SLC28A3: variants seen among roughly 807,000 people sequenced by gnomAD.
SLC28A3 encodes the protein solute carrier family 28 member 3.
SLC28A3 carries 68 observed loss-of-function variants against 84.2 expected under a neutral mutation model. The observed-to-expected ratio is 0.81, with a 90% confidence interval of 0.66 to 0.99. The LOEUF (loss-of-function observed/expected upper bound fraction) is 0.99. Among genes scored for constraint, SLC28A3 ranks in the 50% least tolerant of loss-of-function variants. The pLI, the probability that SLC28A3 is intolerant of heterozygous loss-of-function variation, is 0.00. For synonymous variants in SLC28A3, 267 were observed against 303.6 expected, an observed-to-expected ratio of 0.88 and a Z score of 1.25; for missense variants, 712 against 841.5, an observed-to-expected ratio of 0.85 and a Z score of 1.90.
At chr9:84,338,065 G>T (rs751503857) in intron 1 of SLC28A3, among the ~76,000 whole-genome samples, 4 of 152,178 alleles carry the variant, frequency 2.6e-5, no homozygotes, top group Non-Finnish European at 5.9e-5. Flanking sequence ...CCTGCACCAG[G>T]TCTTACAGGC....
chr9:84,282,628 A>T (rs980328426), intron 14 of SLC28A3, among the ~76,000 whole-genome samples: 2 of 152,192 alleles, frequency 1.3e-5, no homozygotes, highest in Non-Finnish European at 2.9e-5. Flanking sequence ...GACTCAAGAG[A>T]TGCTGCTTAG....
chr9:84,308,404 G>C (rs906872675), intron 3 of SLC28A3, among the ~76,000 whole-genome samples: 2 of 151,854 alleles, frequency 1.3e-5, no homozygotes, highest in African/African-American at 2.4e-5. Context: ...AAATTAGCCG[G>C]GCACGATGGT....
At chr9:84,284,233 A>G (rs1008030065) in intron 14 of SLC28A3, among the ~76,000 whole-genome samples, 3 of 152,204 alleles carry the variant, frequency 2.0e-5, no homozygotes, top group Non-Finnish European at 4.4e-5. Context: ...GGTGGCATCT[A>G]AACAATGAGG....
At chr9:84,345,621 C>G (rs913957979), upstream of SLC28A3, among the ~76,000 whole-genome samples, 1 of 152,184 alleles carries the variant, frequency 6.6e-6, no homozygotes, top group African/African-American at 2.4e-5. Flanking sequence ...CAAGTCACAA[C>G]ACTAGACAGT....
the SLC28A3 span, among the ~76,000 whole-genome samples, chr9:84,359,828 G>A: frequency 2.0e-5 from 3 of 151,628 alleles, no homozygotes; most frequent in Non-Finnish European, 4.4e-5. Flanking sequence ...TGGTGAAACC[G>A]TGTTTCTACA....
intron 1 of SLC28A3, among the ~76,000 whole-genome samples, chr9:84,324,976 C>T (rs898473264): frequency 6.6e-6 from 1 of 152,282 alleles, no homozygotes. Context: ...TTAATTACAA[C>T]CCCTTATGAG....
intron 2 of SLC28A3, chr9:84,310,580 T>G: frequency 1.0e-6 from 1 of 985,442 alleles, no homozygotes; most frequent in South Asian, 4.7e-5. Context: ...AATGTGGCCT[T>G]TGATTCTCTT....
intron 1 of SLC28A3, among the ~76,000 whole-genome samples, chr9:84,321,560 C>G (rs909815562): frequency 6.7e-6 from 1 of 149,672 alleles, no homozygotes; most frequent in African/African-American, 2.5e-5. Context: ...GGTGAAACCC[C>G]GTCTCTACTA....
the SLC28A3 span, among the ~76,000 whole-genome samples, chr9:84,355,770 C>T: frequency 6.6e-6 from 1 of 152,198 alleles, no homozygotes; most frequent in Admixed American, 6.5e-5. Flanking sequence ...ATACTCAATA[C>T]ATTAGCTATT....
At chr9:84,285,280 T>C in intron 14 of SLC28A3, 65 bp downstream of exon 14, 1 of 1,499,088 alleles carries the variant, frequency 6.7e-7, no homozygotes. Flanking sequence ...CACAGAGGCA[T>C]AAGTAATAGA....
chr9:84,362,729 A>C, the SLC28A3 span, among the ~76,000 whole-genome samples: 26 of 152,208 alleles, frequency 1.7e-4, no homozygotes, highest in Non-Finnish European at 3.5e-4. Context: ...TGAACTTTTT[A>C]AATGCCATGG....
chr9:84,308,863 G>A (rs1825887378), intron 3 of SLC28A3, among the ~76,000 whole-genome samples: 2 of 152,144 alleles, frequency 1.3e-5, no homozygotes, highest in Non-Finnish European at 1.5e-5. Flanking sequence ...CTAATCTTGC[G>A]TCTCCTACCT....
intron 2 of SLC28A3, chr9:84,310,285 C>G: frequency 1.9e-6 from 1 of 532,148 alleles, no homozygotes; most frequent in Non-Finnish European, 2.4e-6. Context: ...AGCCCTTGCT[C>G]TAATTAATTG....
chr9:84,299,826 T>G, intron 5 of SLC28A3, 101 bp from the exon 6 acceptor site: 1 of 1,348,220 alleles, frequency 7.4e-7, no homozygotes, highest in South Asian at 1.5e-5. Context: ...GGAGTCTTGC[T>G]CTGTTGCCCA....
intron 1 of SLC28A3, among the ~76,000 whole-genome samples, chr9:84,321,909 G>T (rs960132413): frequency 6.6e-6 from 1 of 152,092 alleles, no homozygotes; most frequent in East Asian, 1.9e-4. Flanking sequence ...AATTAATCAG[G>T]TGTGGTGGTG....
chr9:84,293,491 A>C (rs193194258), intron 9 of SLC28A3, among the ~76,000 whole-genome samples: 3 of 152,090 alleles, frequency 2.0e-5, no homozygotes, highest in African/African-American at 7.2e-5. Context: ...CTTTTTGTAC[A>C]TTTTGATTTA....
chr9:84,332,565 GA>G (rs1426435979), intron 1 of SLC28A3, among the ~76,000 whole-genome samples: 1 of 152,160 alleles, frequency 6.6e-6, no homozygotes, highest in African/African-American at 2.4e-5. Flanking sequence ...GTAACTACCA[GA>G]AGGAAAAACT....
rs143411045 is a variant in SLC28A3 at position 84,307,059 on chromosome 9, T to C, written c.243-1714A>G. On this transcript the variant is annotated intron_variant, in intron 3 of 17. Coordinates refer to ENST00000376238, the MANE Select transcript of SLC28A3 (RefSeq NM_001199633.2). The stretch of plus-strand genomic sequence containing the variant: ...GCACAAACCTGTGGTCCCAGCTGCA[T>C]GGGAAAATCACTTGAGCCCGAGCGG... 1.5e-4 allele frequency among the ~76,000 whole-genome samples: 18 copies of C among 119,466 alleles called. No homozygotes were observed. The East Asian group carries it at 4.3e-3, about 28-fold the overall frequency. 78.4% of individuals were successfully genotyped at this position (119,466 alleles called of 152,430 possible).
chr9:84,284,297 A>C (rs1178169365), intron 14 of SLC28A3, among the ~76,000 whole-genome samples: 1 of 152,238 alleles, frequency 6.6e-6, no homozygotes, highest in East Asian at 1.9e-4. Context: ...ATGCGAGAAC[A>C]GGGAAATCTA....
Sources: allele counts gnomAD v4.1 joint callset (sites outside exome capture counted in the v4.1 genomes callset), GRCh38; gene constraint gnomAD v4.1.1; transcripts MANE v1.5; gene names NCBI Gene and HGNC (gene_info 2026-07-23, HGNC 2026-07-21).